NOS1AP: variants seen among roughly 807,000 people sequenced by gnomAD.
NOS1AP encodes the protein carboxyl-terminal PDZ ligand of neuronal nitric oxide synthase protein.
NOS1AP carries 21 observed loss-of-function variants against 56.2 expected under a neutral mutation model. The ratio of observed to expected loss-of-function variants is 0.37; its 90% CI spans 0.26 to 0.54. The LOEUF (loss-of-function observed/expected upper bound fraction) is 0.54, where lower values mean the gene tolerates loss of function less well. NOS1AP is among the 20% of genes least tolerant of loss of function. The pLI, the probability that NOS1AP is intolerant of heterozygous loss-of-function variation, is 0.84. For missense variants in NOS1AP, 522 were observed against 657.8 expected (o/e 0.79, Z 2.26); for synonymous variants, 270 against 274.6 (o/e 0.98, Z 0.17).
At chr1:162,335,924 ACAG>A (rs1452096629) in intron 5 of NOS1AP, among the ~76,000 whole-genome samples, 2 of 152,260 alleles carry the variant, frequency 1.3e-5, no homozygotes, top group East Asian at 3.9e-4. Context: ...TGTTCCCTGC[ACAG>A]CTATTACTCT....
At chr1:162,265,395 C>T (rs1031723178) in intron 2 of NOS1AP, among the ~76,000 whole-genome samples, 2 of 141,886 alleles carry the variant, frequency 1.4e-5, no homozygotes, top group African/African-American at 5.3e-5. Flanking sequence ...CACCCCACAA[C>T]AGTTCCCAGA....
At chr1:162,217,643 C>A (rs1222198949) in intron 2 of NOS1AP, among the ~76,000 whole-genome samples, 5 of 152,126 alleles carry the variant, frequency 3.3e-5, no homozygotes, top group Non-Finnish European at 7.4e-5. Context: ...GCCAGCGAGG[C>A]AGAGTGAGAG....
chr1:162,188,557 G>A lies in NOS1AP; in HGVS notation c.177+34081G>A, dbSNP rs1557825565. Among the ~76,000 whole-genome samples the A allele has an allele frequency of 1.3e-5, 2 of 152,288 alleles. No individual in the cohort carries two copies. Among genetic ancestry groups the A allele is most frequent in the African/African-American group, 2.4e-5 (1 of 41,572 alleles). On this transcript the variant is annotated intron_variant, in intron 2 of 9. Coordinates refer to ENST00000361897, the MANE Select transcript of NOS1AP (RefSeq NM_014697.3). This position sits in a 1 kb window ranked among gnomAD's most constrained non-coding sequence, Gnocchi z 4.0. The stretch of plus-strand genomic sequence containing the variant: ...CTCGACTCTGGCAAATGTTGAAAGT[G>A]CCTAAATTTTTTCAACATTAGCACA...
At chr1:162,081,763 T>TAG (rs1156329868) in intron 1 of NOS1AP, among the ~76,000 whole-genome samples, 33 of 31,332 alleles carry the variant, frequency 1.1e-3, no homozygotes, top group Middle Eastern at 0.016. Context: ...TAGATATATA[T>TAG]ATATATATAT....
intron 1 of NOS1AP, among the ~76,000 whole-genome samples, chr1:162,081,759 T>TAG (rs1427585056): frequency 9.9e-4 from 24 of 24,326 alleles, no homozygotes; most frequent in Admixed American, 1.2e-3. Flanking sequence ...TCTATAGATA[T>TAG]ATATATATAT....
chr1:162,332,279 T>A (rs1410847303), intron 4 of NOS1AP, among the ~76,000 whole-genome samples: 1 of 152,218 alleles, frequency 6.6e-6, no homozygotes, highest in Admixed American at 6.5e-5. Flanking sequence ...CCTCCCTGGC[T>A]ACCCTGTCTA....
chr1:162,082,054 C>T (rs1490409104), intron 1 of NOS1AP, among the ~76,000 whole-genome samples: 1 of 151,966 alleles, frequency 6.6e-6, no homozygotes, highest in South Asian at 2.1e-4. Context: ...ACCTAGGACT[C>T]ATTCGTTCTT....
Position 162,198,267 on chromosome 1 carries a change from C to T in NOS1AP, c.177+43791C>T, listed in dbSNP as rs2102163045. Among the ~76,000 whole-genome samples the T allele has an allele frequency of 2.6e-5, 4 of 152,294 alleles. No individual in the cohort carries two copies. In the South Asian group the frequency reaches 8.3e-4, roughly 32 times the overall value. Reference sequence around the variant, plus strand: ...CTTCTCTGATGGCTCTTCTTATTTTCCAGTCATCAAAGCCATCTGCATACG... The same window carrying T: ...CTTCTCTGATGGCTCTTCTTATTTTTCAGTCATCAAAGCCATCTGCATACG... On this transcript the variant is annotated intron_variant, in intron 2 of 9. Transcript: ENST00000361897.
At chr1:162,221,322 G>C (rs895087792) in intron 2 of NOS1AP, among the ~76,000 whole-genome samples, 1 of 152,116 alleles carries the variant, frequency 6.6e-6, no homozygotes, top group Non-Finnish European at 1.5e-5. Flanking sequence ...CGCATTGAAG[G>C]CTTGCTGATT....
intron 1 of NOS1AP, among the ~76,000 whole-genome samples, chr1:162,147,544 A>G (rs1649527621): frequency 6.6e-6 from 1 of 152,172 alleles, no homozygotes; most frequent in South Asian, 2.1e-4. Flanking sequence ...AGGGGCCACA[A>G]CAGTAGAGTT....
Position 162,203,848 on chromosome 1 carries a change from CAAG to C in NOS1AP, c.177+49376_177+49378del, listed in dbSNP as rs769658591. On this transcript the variant is annotated intron_variant, in intron 2 of 9. Coordinates refer to ENST00000361897, the MANE Select transcript of NOS1AP (RefSeq NM_014697.3). ...GGATTTGGTCTTTTTCCTCTTTGGT[CAAG>C]AAGGCCAGATGGAAGTTTGATAGGA... Among the ~76,000 whole-genome samples the C allele has an allele frequency of 1.1e-4, 17 of 152,254 alleles. 1 individual carries two copies. Among genetic ancestry groups the C allele is most frequent in the Admixed American group, 9.2e-4 (14 of 15,300 alleles).
At chr1:162,356,451 A>G (rs1366738832) in intron 7 of NOS1AP, among the ~76,000 whole-genome samples, 1 of 152,198 alleles carries the variant, frequency 6.6e-6, no homozygotes, top group Non-Finnish European at 1.5e-5. Flanking sequence ...GCCCCCTCAC[A>G]TGGCCCCTTC....
intron 3 of NOS1AP, 88 bp from the exon 4 acceptor site, chr1:162,300,545 C>A: frequency 8.3e-7 from 1 of 1,204,220 alleles, no homozygotes; most frequent in Non-Finnish European, 1.2e-6. Flanking sequence ...AGGTCAGGAG[C>A]AAAATGCATG....
intron 2 of NOS1AP, among the ~76,000 whole-genome samples, chr1:162,165,056 T>C (rs1650418873): frequency 6.6e-6 from 1 of 152,190 alleles, no homozygotes; most frequent in African/African-American, 2.4e-5. Context: ...GTGTGGTGGC[T>C]CACACCTGTA....
intron 2 of NOS1AP, among the ~76,000 whole-genome samples, chr1:162,271,787 G>A (rs150172976): frequency 4.6e-5 from 7 of 152,342 alleles, no homozygotes; most frequent in Non-Finnish European, 8.8e-5. Flanking sequence ...TCTGGAGGCT[G>A]GAAGTCTGAG....
intron 1 of NOS1AP, among the ~76,000 whole-genome samples, chr1:162,089,419 A>C (rs1173971024): frequency 6.6e-6 from 1 of 152,226 alleles, no homozygotes; most frequent in Admixed American, 6.5e-5. Context: ...TACTGAAAAC[A>C]GTCCAAAACC....
intron 1 of NOS1AP, among the ~76,000 whole-genome samples, chr1:162,092,695 A>C (rs1226149668): frequency 6.6e-6 from 1 of 152,206 alleles, no homozygotes; most frequent in African/African-American, 2.4e-5. Context: ...TGGGACTAAC[A>C]TGTGAAAAGA....
chr1:162,350,710 A>C (rs1657463148), intron 6 of NOS1AP, among the ~76,000 whole-genome samples: 1 of 152,238 alleles, frequency 6.6e-6, no homozygotes, highest in Non-Finnish European at 1.5e-5. Context: ...AAAGATTGTG[A>C]ATATGATATT....
chr1:162,242,655 C>T (rs186121420), intron 2 of NOS1AP, among the ~76,000 whole-genome samples: 8 of 152,300 alleles, frequency 5.3e-5, no homozygotes, highest in Non-Finnish European at 1.0e-4. Flanking sequence ...TCCTGACCCA[C>T]AAGAGTCTGA....
Sources: allele counts gnomAD v4.1 joint callset (sites outside exome capture counted in the v4.1 genomes callset), GRCh38; gene constraint gnomAD v4.1.1; non-coding constraint Gnocchi (gnomAD v3.1); transcripts MANE v1.5; gene names NCBI Gene and HGNC (gene_info 2026-07-23, HGNC 2026-07-21).